Variants in LYPLAL1 observed in about 807,000 individuals in gnomAD.
LYPLAL1 encodes the protein lysophospholipase-like protein 1.
A neutral mutation model predicts 19.7 loss-of-function variants in LYPLAL1; 23 were observed. The observed-to-expected ratio is 1.17, with a 90% confidence interval of 0.84 to 1.65. The LOEUF (loss-of-function observed/expected upper bound fraction) is 1.65. Ranked by LOEUF, LYPLAL1 falls within the 40% of genes most tolerant of loss-of-function variation. The pLI, the probability that LYPLAL1 is intolerant of heterozygous loss-of-function variation, is 0.00. For synonymous variants in LYPLAL1, 119 were observed against 96.3 expected (o/e 1.24, Z -1.38); for missense variants, 355 against 279.4 (o/e 1.27, Z -1.93).
chr1:219,295,462 G>A, the LYPLAL1 span, among the ~76,000 whole-genome samples: 9 of 152,138 alleles, frequency 5.9e-5, no homozygotes, highest in South Asian at 2.1e-4. Flanking sequence ...ACAAATTTTC[G>A]GGCTATTTTT....
chr1:219,409,500 A>G, the LYPLAL1 span: 1 of 143,106 alleles, frequency 7.0e-6, no homozygotes, highest in South Asian at 2.2e-4. Context: ...CTGAAAAGAG[A>G]GAAGTAAAAA....
the LYPLAL1 span, among the ~76,000 whole-genome samples, chr1:219,269,258 C>T: frequency 1.6e-3 from 243 of 152,288 alleles, 2 homozygotes; most frequent in Middle Eastern, 0.017. Context: ...CATGTGTTAG[C>T]TAACTGCTTT....
chr1:219,297,622 C>G, the LYPLAL1 span, among the ~76,000 whole-genome samples: 1 of 152,196 alleles, frequency 6.6e-6, no homozygotes, highest in African/African-American at 2.4e-5. Flanking sequence ...TTTGGCATAT[C>G]TCTTTTGTGG....
the LYPLAL1 span, among the ~76,000 whole-genome samples, chr1:219,403,744 A>G: frequency 9.9e-5 from 15 of 152,260 alleles, no homozygotes; most frequent in East Asian, 1.9e-4. Context: ...CTTTATTTCT[A>G]TTTTTCAAAA....
At chr1:219,175,579 T>G (rs1476358949) in intron 1 of LYPLAL1, among the ~76,000 whole-genome samples, 2 of 152,226 alleles carry the variant, frequency 1.3e-5, no homozygotes, top group Admixed American at 1.3e-4. Context: ...TGTAAGGGTA[T>G]GTCTCTAAAA....
the LYPLAL1 span, among the ~76,000 whole-genome samples, chr1:219,298,026 C>T: frequency 6.6e-6 from 1 of 152,118 alleles, no homozygotes; most frequent in African/African-American, 2.4e-5. Context: ...TTTAGATCTA[C>T]TGGCCTGAAT....
chr1:219,292,824 T>C, the LYPLAL1 span, among the ~76,000 whole-genome samples: 26 of 152,284 alleles, frequency 1.7e-4, no homozygotes, highest in African/African-American at 5.5e-4. Flanking sequence ...AGGCTTCCTG[T>C]GTACCCATAG....
the LYPLAL1 span, among the ~76,000 whole-genome samples, chr1:219,327,058 C>T: frequency 2.0e-5 from 3 of 152,216 alleles, no homozygotes; most frequent in Admixed American, 1.3e-4. Context: ...AAGATAGCAC[C>T]ACTGCACACC....
At chr1:219,412,944 A>G in the LYPLAL1 span, among the ~76,000 whole-genome samples, 3 of 152,346 alleles carry the variant, frequency 2.0e-5, no homozygotes. Flanking sequence ...AAGGAACCCT[A>G]TAAGACATTA....
At chr1:219,338,686 T>A in the LYPLAL1 span, among the ~76,000 whole-genome samples, 1 of 152,026 alleles carries the variant, frequency 6.6e-6, no homozygotes, top group South Asian at 2.1e-4. Flanking sequence ...AAGGTAGACC[T>A]AACATTGCTT....
the LYPLAL1 span, among the ~76,000 whole-genome samples, chr1:219,251,071 T>A: frequency 6.6e-6 from 1 of 152,022 alleles, no homozygotes; most frequent in Non-Finnish European, 1.5e-5. Context: ...AGTGAATTTT[T>A]TTTCACATGC....
chr1:219,234,621 A>G, the LYPLAL1 span, among the ~76,000 whole-genome samples: 6 of 152,192 alleles, frequency 3.9e-5, no homozygotes, highest in African/African-American at 1.2e-4. Flanking sequence ...TATTGCTTCT[A>G]TATTAATAAT....
In LYPLAL1 at chr1:219,210,628, A is replaced by G. The variant is rs1234823792; in HGVS notation, c.458A>G (p.Lys153Arg). The G allele has an allele frequency of 5.6e-6, 9 of 1,609,154 alleles. No individual in the cohort carries two copies. The highest frequency in any genetic ancestry group is 3.3e-5 in the Admixed American group (2 of 59,720). The stretch of plus-strand genomic sequence containing the variant: ...TTTGCTCTTTCTAGTTTTCTGAATA[A>G]AGCATCTGCTGTTTACCAGGTAAGT... ...GVFALSSFLN[K>R]ASAVYQALQK... The change falls in exon 4 of 5, where the codon AAA becomes AGA. Residue 153 changes from lysine (K) to arginine (R), a missense_variant. Lys to Arg is a conservative substitution (Grantham distance 26). Transcript: ENST00000366928.
chr1:219,232,393 A>G, the LYPLAL1 span, among the ~76,000 whole-genome samples: 1 of 152,204 alleles, frequency 6.6e-6, no homozygotes, highest in Non-Finnish European at 1.5e-5. Flanking sequence ...TACAAAAATT[A>G]GCTCGGAATG....
chr1:219,387,635 G>A, the LYPLAL1 span, among the ~76,000 whole-genome samples: 1 of 152,108 alleles, frequency 6.6e-6, no homozygotes, highest in Non-Finnish European at 1.5e-5. Flanking sequence ...TTATTTTTAC[G>A]AAGGTTGTCT....
chr1:219,180,243 C>T (rs1386277788), intron 2 of LYPLAL1, among the ~76,000 whole-genome samples: 3 of 152,304 alleles, frequency 2.0e-5, no homozygotes, highest in East Asian at 3.9e-4. Flanking sequence ...CCGCGGCCTC[C>T]CAAAAGTGCT....
At chr1:219,182,698 A>G (rs1410055579) in intron 2 of LYPLAL1, among the ~76,000 whole-genome samples, 1 of 151,780 alleles carries the variant, frequency 6.6e-6, no homozygotes, top group Non-Finnish European at 1.5e-5. Flanking sequence ...CTCTCTCCTG[A>G]TTTTTTTCTT....
the LYPLAL1 span, among the ~76,000 whole-genome samples, chr1:219,402,588 T>G: frequency 7.4e-6 from 1 of 134,906 alleles, no homozygotes; most frequent in African/African-American, 2.8e-5. Context: ...CTTTTAAAAA[T>G]AACTGGATTG....
the LYPLAL1 span, among the ~76,000 whole-genome samples, chr1:219,263,569 C>T: frequency 0.47 from 70,736 of 151,876 alleles, 16,854 homozygotes; most frequent in East Asian, 0.66. Context: ...TAAATTATTA[C>T]GAAGTTCAGT....
Sources: gnomAD v4.1 joint callset for allele counts (sites outside exome capture counted in the v4.1 genomes callset) on GRCh38, gnomAD v4.1.1 for gene constraint, MANE v1.5 for transcripts, NCBI Gene and HGNC (gene_info 2026-07-23, HGNC 2026-07-21) for gene names.